Variants in BCL2L1 observed in about 807,000 individuals in gnomAD.
The protein encoded by BCL2L1 is bcl-2-like protein 1.
A neutral mutation model predicts 18.7 loss-of-function variants in BCL2L1; 1 was observed. That is an observed-to-expected ratio of 0.05 (90% CI 0.02 to 0.25). The LOEUF is 0.25. Ranked by LOEUF, BCL2L1 falls within the 10% of genes least tolerant of loss-of-function variation. The pLI is 1.00. For synonymous variants in BCL2L1, 103 were observed against 122.7 expected, an observed-to-expected ratio of 0.84 and a Z score of 1.06; for missense variants, 207 against 304.9, an observed-to-expected ratio of 0.68 and a Z score of 2.39.
At chr20:31,680,584 G>A (rs974669382) in intron 2 of BCL2L1, among the ~76,000 whole-genome samples, 1 of 152,170 alleles carries the variant, frequency 6.6e-6, no homozygotes, top group Non-Finnish European at 1.5e-5. Flanking sequence ...TTCTAAGATG[G>A]GACATGACCT....
At chr20:31,705,115 A>G (rs1243207974) in intron 2 of BCL2L1, among the ~76,000 whole-genome samples, 1 of 152,216 alleles carries the variant, frequency 6.6e-6, no homozygotes, top group Admixed American at 6.5e-5. Flanking sequence ...CCTGGGTTCA[A>G]ATCATGGTTT....
intron 2 of BCL2L1, among the ~76,000 whole-genome samples, chr20:31,688,721 C>T (rs2061004406): frequency 6.6e-6 from 1 of 152,100 alleles, no homozygotes; most frequent in Non-Finnish European, 1.5e-5. Flanking sequence ...ATATACAGGG[C>T]TATTCATTGA....
intron 2 of BCL2L1, among the ~76,000 whole-genome samples, chr20:31,674,695 C>A (rs2060728756): frequency 6.6e-6 from 1 of 151,818 alleles, no homozygotes; most frequent in African/African-American, 2.4e-5. Context: ...TATGGTGGGA[C>A]CCCCATCTCT....
chr20:31,693,068 C>CAA (rs570960056), intron 2 of BCL2L1, among the ~76,000 whole-genome samples: 2 of 64,602 alleles, frequency 3.1e-5, no homozygotes, highest in African/African-American at 5.1e-5. Flanking sequence ...GGGACCGTCT[C>CAA]AAAAAAAAAA....
At position 31,722,249 on chromosome 20, in the gene BCL2L1, A is replaced by G; in HGVS notation, c.-31T>C. The G allele has an allele frequency of 6.9e-7, 1 of 1,446,194 alleles. No homozygotes were observed. The highest frequency in any genetic ancestry group is 9.2e-7 in the Non-Finnish European group (1 of 1,092,826). The allele number at this position is 1,446,194 out of a possible 1,614,324, so 89.6% of individuals were successfully genotyped here. ...TAATAGGGATGGGCTCAACCAGTCC[A>G]TTGTCCAAAACACCTGCTCACTCAC... is the stretch of plus-strand genomic sequence containing the variant. On this transcript the variant is annotated 5_prime_UTR_variant, in exon 2 of 3. It removes an upstream start codon present in the reference 5' UTR. Coordinates refer to ENST00000307677, the MANE Select transcript of BCL2L1 (RefSeq NM_138578.3).
At chr20:31,681,834 T>C (rs1019676244) in intron 2 of BCL2L1, among the ~76,000 whole-genome samples, 15 of 152,232 alleles carry the variant, frequency 9.9e-5, no homozygotes, top group Non-Finnish European at 2.2e-4. Context: ...AGCAACTATT[T>C]CTGCTGCTCT....
intron 2 of BCL2L1, among the ~76,000 whole-genome samples, chr20:31,703,616 C>T (rs1221877459): frequency 1.3e-5 from 2 of 151,218 alleles, no homozygotes; most frequent in African/African-American, 4.9e-5. Flanking sequence ...CTCAGCCTCC[C>T]GAGTAGCTGA....
At chr20:31,693,107 TAGA>T (rs1272090703) in intron 2 of BCL2L1, among the ~76,000 whole-genome samples, 1 of 142,830 alleles carries the variant, frequency 7.0e-6, no homozygotes, top group East Asian at 2.0e-4. Flanking sequence ...AAAAAGCATG[TAGA>T]AGAATATCCT....
Position 31,721,722 on chromosome 20 carries a change from A to G in BCL2L1, c.497T>C (p.Ile166Thr). Residue 166 changes from isoleucine (I) to threonine (T), a missense_variant, in exon 2 of 3, where the codon ATC (isoleucine) becomes ACC (threonine). Ile to Thr is a moderately conservative substitution (Grantham distance 89). Transcript: ENST00000307677. ...DKEMQVLVSR[I>T]AAWMATYLND... ...CAGGTAAGTGGCCATCCAAGCTGCG[A>G]TCCGACTCACCAATACCTGCATCTC... is the stretch of plus-strand genomic sequence containing the variant. 1 of 1,614,126 alleles carries G rather than the reference A, an allele frequency of 6.2e-7. No homozygotes were observed. The highest frequency in any genetic ancestry group is 8.5e-7 in the Non-Finnish European group (1 of 1,180,012).
chr20:31,710,444 G>A (rs2061437430), intron 2 of BCL2L1, among the ~76,000 whole-genome samples: 1 of 152,204 alleles, frequency 6.6e-6, no homozygotes. Flanking sequence ...AGGCCTCAGT[G>A]GAAATTGTAC....
At chr20:31,687,318 A>G (rs2060974638) in intron 2 of BCL2L1, among the ~76,000 whole-genome samples, 1 of 152,020 alleles carries the variant, frequency 6.6e-6, no homozygotes, top group Non-Finnish European at 1.5e-5. Flanking sequence ...ACTGAGAACC[A>G]GTGACTTGAG....
At chr20:31,680,714 T>C (rs1182589393) in intron 2 of BCL2L1, among the ~76,000 whole-genome samples, 1 of 152,206 alleles carries the variant, frequency 6.6e-6, no homozygotes, top group Non-Finnish European at 1.5e-5. Context: ...AGTCAGGCAC[T>C]GTACTAAGCG....
At chr20:31,713,483 C>T (rs566457348) in intron 2 of BCL2L1, 38 of 985,292 alleles carry the variant, frequency 3.9e-5, no homozygotes, top group Middle Eastern at 5.2e-4. Context: ...TGGAAGTCAT[C>T]GCAATGGCAT....
intron 2 of BCL2L1, among the ~76,000 whole-genome samples, chr20:31,709,326 TGTGC>T (rs1304779851): frequency 6.6e-6 from 1 of 152,130 alleles, no homozygotes; most frequent in Non-Finnish European, 1.5e-5. Context: ...CGTGTGTGTG[TGTGC>T]GCGCGTGCAC....
chr20:31,711,324 A>C (rs1331733600), intron 2 of BCL2L1, among the ~76,000 whole-genome samples: 1 of 152,222 alleles, frequency 6.6e-6, no homozygotes, highest in East Asian at 1.9e-4. Context: ...CAAGGAGTCA[A>C]GCTGTCTCAA....
intron 2 of BCL2L1, among the ~76,000 whole-genome samples, chr20:31,707,243 G>C (rs1358494871): frequency 2.0e-5 from 3 of 152,124 alleles, no homozygotes; most frequent in African/African-American, 7.2e-5. Flanking sequence ...CCAAGCTTCA[G>C]GTACCTTAAA....
intron 2 of BCL2L1, among the ~76,000 whole-genome samples, chr20:31,673,155 T>G (rs1228154947): frequency 2.1e-5 from 3 of 143,728 alleles, no homozygotes; most frequent in Admixed American, 7.3e-5. Flanking sequence ...CACTGCAACC[T>G]CAGCCTCCCA....
At chr20:31,720,545 A>G (rs1440184416) in intron 2 of BCL2L1, 53 of 985,320 alleles carry the variant, frequency 5.4e-5, no homozygotes, top group Non-Finnish European at 6.4e-5. Context: ...AGAAGCTTTC[A>G]CCACCATCTC....
At chr20:31,694,819 A>G (rs1167976170) in intron 2 of BCL2L1, among the ~76,000 whole-genome samples, 1 of 152,134 alleles carries the variant, frequency 6.6e-6, no homozygotes, top group African/African-American at 2.4e-5. Flanking sequence ...TGGCGTACCT[A>G]TAATCCCAGG....
Sources: gnomAD v4.1 joint callset for allele counts (sites outside exome capture counted in the v4.1 genomes callset) on GRCh38, gnomAD v4.1.1 for gene constraint, MANE v1.5 for transcripts, NCBI Gene and HGNC (gene_info 2026-07-23, HGNC 2026-07-21) for gene names.